Variants in POLG observed in about 807,000 individuals in gnomAD.
POLG encodes DNA polymerase subunit gamma-1.
In POLG, 110 loss-of-function variants were observed where a neutral mutation model predicts 155.4. That is an observed-to-expected ratio of 0.71 (90% CI 0.61 to 0.83). POLG has a LOEUF of 0.83. Among genes scored for constraint, POLG ranks in the 40% least tolerant of loss-of-function variants. POLG has a pLI of 0.00. For synonymous variants in POLG, 701 were observed against 631.5 expected, an observed-to-expected ratio of 1.11 and a Z score of -1.65; for missense variants, 1,685 against 1,627.5, an observed-to-expected ratio of 1.04 and a Z score of -0.61.
chr15:89,328,140 G>A (rs1161839812), intron 6 of POLG, among the ~76,000 whole-genome samples: 2 of 152,062 alleles, frequency 1.3e-5, no homozygotes, highest in Non-Finnish European at 2.9e-5. Flanking sequence ...CACTTCATAA[G>A]ACAGACTCAT....
In POLG at chr15:89,326,988, C is replaced by G. The variant is rs1018980768; in HGVS notation, c.1509G>C (p.Val503=). 1.9e-6 allele frequency: 3 copies of G among 1,614,262 alleles called. No homozygotes were observed. The highest frequency in any genetic ancestry group is 2.2e-5 in the East Asian group (1 of 44,880). ...QEFKQKKAKK[V]KKEPATASKL... ...TGCTGGCTGTGGCTGGTTCCTTCTT[C>G]ACCTTCTTAGCTTTCTTCTGCTTAA... Residue 503 remains valine (V), a synonymous_variant, in exon 8 of 23, where the codon GTG becomes GTC. Coordinates refer to ENST00000268124, the MANE Select transcript of POLG (RefSeq NM_002693.3).
At position 89,330,241 on chromosome 15, in the gene POLG, C is replaced by T. The variant is rs113994093; in HGVS notation, c.695G>A (p.Arg232His). The change falls in exon 3 of 23, where the codon CGT becomes CAT. Residue 232 changes from arginine (R) to histidine (H), a missense_variant. Coordinates refer to ENST00000268124, the MANE Select transcript of POLG (RefSeq NM_002693.3). ...SWCSQRLVEE[R>H]YSWTSQLSPA... is the part of the protein sequence containing the mutation. ...CGACAGCTGGCTGGTCCAAGAGTAA[C>T]GCTCTTCCACCAGCCGCTGGCTGCA... The T allele has an allele frequency of 8.7e-6, 14 of 1,612,638 alleles. No homozygotes were observed. Among genetic ancestry groups the T allele is most frequent in the Non-Finnish European group, 1.1e-5 (13 of 1,180,004 alleles).
At chr15:89,319,509 G>A in intron 18 of POLG, 159 bp from the exon 19 acceptor site, 2 of 972,378 alleles carry the variant, frequency 2.1e-6, no homozygotes, top group East Asian at 2.6e-5. Flanking sequence ...GGCTCAGAGA[G>A]GCTAAGTGCC....
chr15:89,325,638 C>T lies in POLG; in HGVS notation c.1761G>A (p.Pro587=), dbSNP rs374805003. 24 of 1,612,550 alleles carry T rather than the reference C, an allele frequency of 1.5e-5. No individual in the cohort carries two copies. The highest frequency in any genetic ancestry group is 8.0e-5 in the African/African-American group (6 of 74,918). Residue 587 remains proline, a synonymous_variant, in exon 10 of 23, where the codon CCG becomes CCA. Transcript: ENST00000268124. The part of the protein sequence containing the change: ...CPRLDDPAWT[P]GPSLLSLQMR... ...TCTGCAGGCTGAGGAGGCTGGGGCC[C>T]GGGGTCCATGCAGGGTCGTCTAGCC...
chr15:89,333,136 T>C lies in POLG; in HGVS notation c.619A>G (p.Thr207Ala). Residue 207 changes from threonine (T) to alanine (A), a missense_variant, in exon 2 of 23, where the codon ACT (threonine) becomes GCT (alanine). By Grantham distance (58) the Thr-to-Ala change is moderately conservative. Coordinates refer to ENST00000268124, the MANE Select transcript of POLG (RefSeq NM_002693.3). ...ATGGCCACCGCCAATGTGGGGCAAG[T>C]TCCCTCTGCCAAGCAGACCTCCACG... ...FDVEVCLAEGTCPTLAVAISP... is the reference protein window; with the variant it reads ...FDVEVCLAEGACPTLAVAISP... 6.5e-7 allele frequency: 1 copy of C among 1,528,856 alleles called. No individual in the cohort carries two copies. The highest frequency in any genetic ancestry group is 8.8e-7 in the Non-Finnish European group (1 of 1,137,968). The allele number at this position is 1,528,856 out of a possible 1,614,324, so 94.7% of individuals were successfully genotyped here. A position where few individuals can be genotyped will look rare whatever the true frequency, so the allele number is the denominator to read the frequency against.
Position 89,325,025 on chromosome 15 carries a change from A to AC in POLG, c.1949+424dup, listed in dbSNP as rs1429528351. On this transcript the variant is annotated intron_variant, in intron 10 of 22. Coordinates refer to ENST00000268124, the MANE Select transcript of POLG (RefSeq NM_002693.3). ...GGTAAGGGTAGCCATGGAAGAAAAAACCTGAACCCAGAGAGTGAGTGAGTG... is the reference window on the plus strand; with the variant it reads ...GGTAAGGGTAGCCATGGAAGAAAAAACCCTGAACCCAGAGAGTGAGTGAGTG... Among the ~76,000 whole-genome samples the AC allele has an allele frequency of 4.4e-5, 4 of 89,992 alleles. 1 individual carries two copies. Among genetic ancestry groups the AC allele is most frequent in the Non-Finnish European group, 1.2e-4 (4 of 33,966 alleles). 59.0% of individuals were successfully genotyped at this position (89,992 alleles called of 152,430 possible). A position where few individuals can be genotyped will look rare whatever the true frequency, so the allele number is the denominator to read the frequency against.
rs955215390 is a variant in POLG, at chr15:89,321,329, A to G, written c.2599-69T>C. 7 of 1,564,866 alleles carry G rather than the reference A, an allele frequency of 4.5e-6. No individual in the cohort carries two copies. In the African/African-American group the frequency reaches 9.5e-5, roughly 21 times the overall value. On this transcript the variant is annotated intron_variant, in intron 16 of 22. Coordinates refer to ENST00000268124, the MANE Select transcript of POLG (RefSeq NM_002693.3). ...ATTCCTGGAGCCAGAGTTGACTGAG[A>G]AAGAGCTAGAGCCTTTCCTGAGGGG...
chr15:89,317,899 A>T, intron 21 of POLG: 1 of 356,766 alleles, frequency 2.8e-6, no homozygotes, highest in Non-Finnish European at 5.4e-6. Context: ...TAAGAGGGCA[A>T]TGGGAACAAT....
rs41562216 is a variant in POLG at position 89,332,964 on chromosome 15, C to T, written c.659+132G>A. 1.1e-5 allele frequency: 13 copies of T among 1,237,026 alleles called. No individual in the cohort carries two copies. The African/African-American group carries it at 2.0e-4, about 19-fold the overall frequency. The allele number at this position is 1,237,026 out of a possible 1,614,324, so 76.6% of individuals were successfully genotyped here. A position where few individuals can be genotyped will look rare whatever the true frequency, so the allele number is the denominator to read the frequency against. ...AGTCCCACATAAACAGGGGTCTAGT[C>T]CTAATTCAACACATCAGCGCTCCCT... On this transcript the variant is annotated intron_variant, in intron 2 of 22. Transcript: ENST00000268124.
Position 89,333,864 on chromosome 15 carries a change from T to A in POLG, c.-110A>T. 7.6e-7 allele frequency: 1 copy of A among 1,308,336 alleles called. No homozygotes were observed. The highest frequency in any genetic ancestry group is 1.1e-6 in the Non-Finnish European group (1 of 943,494). The allele number at this position is 1,308,336 out of a possible 1,614,324, so 81.0% of individuals were successfully genotyped here. On this transcript the variant is annotated 5_prime_UTR_variant, in exon 2 of 23. Transcript: ENST00000268124. ...GGAGAGAGACACGTCCTGTCTCTGC[T>A]CTCCTGTCAGTGAAATGGGTTTGAC...
chr15:89,320,483 T>G lies in POLG; in HGVS notation c.2981+283A>C, dbSNP rs1860023. Among the ~76,000 whole-genome samples, 4,845 of 152,284 alleles carry G rather than the reference T, an allele frequency of 0.032. 222 individuals carry two copies. Among genetic ancestry groups the G allele is most frequent in the African/African-American group, 0.11 (4,499 of 41,530 alleles). ...AGTTTGCAACCCCTGTATTATTGAT[T>G]ATGCAGCATAATCAGAATTGTCAAG... On this transcript the variant is annotated intron_variant, in intron 18 of 22. Transcript: ENST00000268124.
intron 13 of POLG, 39 bp downstream of exon 13, chr15:89,323,365 G>T: frequency 2.2e-6 from 3 of 1,338,246 alleles, no homozygotes; most frequent in Non-Finnish European, 3.2e-6. Context: ...TGAGCAGAAT[G>T]AGGAAACACC....
chr15:89,319,015 G>C lies in POLG; in HGVS notation c.3189C>G (p.Ser1063Arg). The stretch of plus-strand genomic sequence containing the variant: ...TACGTGGTATGTCAGACGTAGCAAT[G>C]CTCTCAAGCTTATTGAACATTTCTG... ...TESEMFNKLE[S>R]IATSDIPRTP... Residue 1063 changes from serine to arginine, a missense_variant, in exon 20 of 23, where the codon AGC becomes AGG. Around this residue, in one of 3 missense-constraint regions of POLG, gnomAD observed 470 missense variants for 439.9 expected, o/e 1.07. Coordinates refer to ENST00000268124, the MANE Select transcript of POLG (RefSeq NM_002693.3). 1 of 1,614,098 alleles carries C rather than the reference G, an allele frequency of 6.2e-7. No individual in the cohort carries two copies. Among genetic ancestry groups the C allele is most frequent in the Non-Finnish European group, 8.5e-7 (1 of 1,180,000 alleles).
rs367959489 is a variant in POLG, at chr15:89,330,206, G to C, written c.730C>G (p.Leu244Val). ...CCAGTAGGGACCTCCAGGGGGATGA[G>C]GTCAGCCGGCGACAGCTGGCTGGTC... ...SWTSQLSPAD[L>V]IPLEVPTGAS... The change falls in exon 3 of 23, where the codon CTC (leucine) becomes GTC (valine). Residue 244 changes from leucine to valine, a missense_variant. Leu to Val is a conservative substitution (Grantham distance 32). Transcript: ENST00000268124. The C allele has an allele frequency of 1.2e-6, 2 of 1,613,528 alleles. No homozygotes were observed. Among genetic ancestry groups the C allele is most frequent in the African/African-American group, 2.7e-5 (2 of 74,932 alleles).
intron 21 of POLG, chr15:89,317,759 CT>C (rs34171931): frequency 0.046 from 21,362 of 465,382 alleles, 1 homozygote; most frequent in East Asian, 0.067. Context: ...ACTCAACATA[CT>C]TTTTTTTTTT....
chr15:89,321,988 C>G lies in POLG; in HGVS notation c.2454G>C (p.Arg818Ser). 6.2e-7 allele frequency: 1 copy of G among 1,614,158 alleles called. No individual in the cohort carries two copies. Among genetic ancestry groups the G allele is most frequent in the Non-Finnish European group, 8.5e-7 (1 of 1,180,008 alleles). ...ISSQMVVWLP[R>S]SALPRAVIRH... is the part of the protein sequence containing the mutation. ...TGATCACAGCACGGGGCAGAGCTGA[C>G]CTGGGCAGCCACACCACCATCTGGG... Residue 818 changes from arginine to serine, a missense_variant, in exon 15 of 23, where the codon AGG becomes AGC. Around this residue, in one of 3 missense-constraint regions of POLG, gnomAD observed 1,210 missense variants for 1,167.1 expected, o/e 1.04. Transcript: ENST00000268124.
intron 3 of POLG, among the ~76,000 whole-genome samples, 154 bp downstream of exon 3, chr15:89,329,927 G>C (rs779883721): frequency 7.2e-5 from 11 of 152,172 alleles, no homozygotes; most frequent in Non-Finnish European, 1.3e-4. Flanking sequence ...TAGGCACAGA[G>C]ACCAGAGGCA....
intron 2 of POLG, 88 bp downstream of exon 2, chr15:89,333,008 T>G (rs1162952460): frequency 6.7e-7 from 1 of 1,483,664 alleles, no homozygotes; most frequent in Non-Finnish European, 9.0e-7. Context: ...ACCCAGCCCG[T>G]AACAGGACCT....
intron 14 of POLG, 134 bp from the exon 15 acceptor site, chr15:89,322,149 G>C: frequency 1.2e-6 from 1 of 851,914 alleles, no homozygotes; most frequent in African/African-American, 1.7e-5. Context: ...CTGGACTCAA[G>C]GTGAGCCCTG....
Sources: allele counts gnomAD v4.1 joint callset (sites outside exome capture counted in the v4.1 genomes callset), GRCh38; gene constraint gnomAD v4.1.1; regional missense constraint gnomAD v4.1.1; transcripts MANE v1.5; gene names NCBI Gene and HGNC (gene_info 2026-07-23, HGNC 2026-07-21).